RAG1: variants seen among roughly 807,000 people sequenced by gnomAD.
RAG1 encodes the protein recombination activating 1, also known as V(D)J recombination-activating protein 1.
In RAG1, 35 loss-of-function variants were observed where a neutral mutation model predicts 62.7. The ratio of observed to expected loss-of-function variants is 0.56; its 90% CI spans 0.43 to 0.74. The LOEUF (loss-of-function observed/expected upper bound fraction) is 0.74. Among genes scored for constraint, RAG1 ranks in the 30% least tolerant of loss-of-function variants. The pLI, the probability that RAG1 is intolerant of heterozygous loss-of-function variation, is 0.00. For synonymous variants in RAG1, 461 were observed against 470.3 expected (o/e 0.98, Z 0.26); for missense variants, 1,169 against 1,278.6 (o/e 0.91, Z 1.31).
intron 2 of RAG1, among the ~76,000 whole-genome samples, chr11:36,524,982 G>A (rs1210639056): frequency 1.3e-5 from 2 of 151,888 alleles, no homozygotes; most frequent in Non-Finnish European, 2.9e-5. Context: ...ATGAGACTTA[G>A]GTCAAGTCTT....
At chr11:36,541,629 C>T (rs1292229269) in intron 3 of RAG1, among the ~76,000 whole-genome samples, 3 of 152,092 alleles carry the variant, frequency 2.0e-5, no homozygotes, top group African/African-American at 7.2e-5. Context: ...AAATACTAGG[C>T]CCTTGCTTGG....
At chr11:36,514,513 T>C (rs1301168996) in intron 1 of RAG1, among the ~76,000 whole-genome samples, 1 of 152,246 alleles carries the variant, frequency 6.6e-6, no homozygotes, top group African/African-American at 2.4e-5. Flanking sequence ...ACTTTATTTC[T>C]ATTATCATTA....
At chr11:36,567,489 A>C (rs1313593109), upstream of RAG1, 2 of 152,182 alleles carry the variant, frequency 1.3e-5, no homozygotes, top group Admixed American at 1.3e-4. Flanking sequence ...AGGAGCATCA[A>C]CCTTCCTCAG....
upstream of RAG1, among the ~76,000 whole-genome samples, chr11:36,563,224 G>T (rs1850615762): frequency 6.6e-6 from 1 of 152,210 alleles, no homozygotes; most frequent in Non-Finnish European, 1.5e-5. Flanking sequence ...ACTTCTGGAA[G>T]AGATTAGCAT....
At position 36,573,550 on chromosome 11, in the gene RAG1, A is replaced by C. The variant is rs1850781271; in HGVS notation, c.246A>C (p.Lys82Asn). 1 of 1,614,186 alleles carries C rather than the reference A, an allele frequency of 6.2e-7. No individual in the cohort carries two copies. Among genetic ancestry groups the C allele is most frequent in the African/African-American group, 1.3e-5 (1 of 75,034 alleles). ...QKPVPTQPLL[K>N]AHPKFSKKFH... Reference sequence around the variant, plus strand: ...CAGTCCCAACTCAGCCATTGTTAAAAGCCCACCCTAAGTTTTCAAAGAAAT... The same window carrying C: ...CAGTCCCAACTCAGCCATTGTTAAACGCCCACCCTAAGTTTTCAAAGAAAT... The change falls in exon 2 of 2, where the codon AAA becomes AAC. Residue 82 changes from lysine (K) to asparagine (N), a missense_variant. Lys to Asn is a moderately conservative substitution (Grantham distance 94, BLOSUM62 0). Transcript: ENST00000299440.
chr11:36,572,298 G>A (rs1048936007), intron 1 of RAG1, among the ~76,000 whole-genome samples: 9 of 152,218 alleles, frequency 5.9e-5, no homozygotes, highest in African/African-American at 2.2e-4. Flanking sequence ...GGTCTAGAGA[G>A]TACACTTCAC....
intron 1 of RAG1, among the ~76,000 whole-genome samples, chr11:36,571,761 C>T (rs982102372): frequency 8.5e-5 from 13 of 152,100 alleles, no homozygotes; most frequent in Admixed American, 7.9e-4. Context: ...ATTTCAAGTG[C>T]CTGCCACCAT....
upstream of RAG1, chr11:36,510,519 C>T (rs1233944207): frequency 6.6e-6 from 1 of 152,302 alleles, no homozygotes; most frequent in Non-Finnish European, 1.5e-5. Context: ...GAAGATCCCT[C>T]CCGGAATAAC....
chr11:36,530,036 G>T (rs1191963288), intron 2 of RAG1, among the ~76,000 whole-genome samples: 1 of 151,844 alleles, frequency 6.6e-6, no homozygotes, highest in African/African-American at 2.4e-5. Context: ...TTCATTTTGG[G>T]TTAACGGTGG....
intron 2 of RAG1, among the ~76,000 whole-genome samples, chr11:36,520,599 T>G (rs1860064273): frequency 6.6e-6 from 1 of 152,140 alleles, no homozygotes; most frequent in Non-Finnish European, 1.5e-5. Flanking sequence ...TCAAATGTAG[T>G]GATAACATAT....
Position 36,575,096 on chromosome 11 carries a change from G to A in RAG1, c.1792G>A (p.Val598Met), listed in dbSNP as rs1024345971. Residue 598 changes from valine (V) to methionine (M), a missense_variant, in exon 2 of 2, where the codon GTG (valine) becomes ATG (methionine). This residue lies in a region of RAG1 where 800 missense variants were observed against 943.3 expected (regional missense o/e 0.85). Coordinates refer to ENST00000299440, the MANE Select transcript of RAG1 (RefSeq NM_000448.3). The surrounding 1 kb of genome is among the most constrained non-coding windows in gnomAD (Gnocchi z 4.1). ...CCTGAATGGCCCCTTCACTGTGGTG[G>A]TGAAGGAGTCTTGTGATGGAATGGG... ...DYLNGPFTVV[V>M]KESCDGMGDV... 1.9e-6 allele frequency: 3 copies of A among 1,614,184 alleles called. No homozygotes were observed. Among genetic ancestry groups the A allele is most frequent in the Middle Eastern group, 3.3e-4 (2 of 6,062 alleles).
intron 2 of RAG1, among the ~76,000 whole-genome samples, chr11:36,526,824 A>C (rs1046714999): frequency 2.3e-4 from 35 of 152,140 alleles, no homozygotes; most frequent in African/African-American, 8.2e-4. Context: ...GCATTTCTCT[A>C]ATGACCAGTG....
Position 36,573,959 on chromosome 11 carries a change from C to A in RAG1, c.655C>A (p.Arg219=). The change falls in exon 2 of 2, where the codon CGG becomes AGG. Residue 219 remains arginine, a synonymous_variant. Coordinates refer to ENST00000299440, the MANE Select transcript of RAG1 (RefSeq NM_000448.3). The part of the protein sequence containing the change: ...PSCDICNTAR[R]GLKRKSLQPN... ...CTGTGACATCTGCAACACTGCCCGT[C>A]GGGGACTCAAGAGGAAGAGTCTTCA... 6.2e-7 allele frequency: 1 copy of A among 1,614,092 alleles called. No individual in the cohort carries two copies. The highest frequency in any genetic ancestry group is 8.5e-7 in the Non-Finnish European group (1 of 1,180,034).
At chr11:36,566,276 C>T (rs1369308589), upstream of RAG1, among the ~76,000 whole-genome samples, 2 of 152,248 alleles carry the variant, frequency 1.3e-5, no homozygotes, top group East Asian at 1.9e-4. Flanking sequence ...CAACTCTGTT[C>T]ACCGTAGACT....
At chr11:36,536,624 T>C (rs1309616411), downstream of RAG1, among the ~76,000 whole-genome samples, 6 of 18,812 alleles carry the variant, frequency 3.2e-4, no homozygotes, top group Admixed American at 5.7e-3. Flanking sequence ...CAAAGTTTTT[T>C]AAAAGACAAA....
At chr11:36,559,332 A>G (rs1241645939) in intron 3 of RAG1, among the ~76,000 whole-genome samples, 2 of 152,146 alleles carry the variant, frequency 1.3e-5, no homozygotes, top group Non-Finnish European at 2.9e-5. Flanking sequence ...GTTTGACTAT[A>G]AAGTGCTTCA....
chr11:36,526,610 C>T (rs1047544553), intron 2 of RAG1, among the ~76,000 whole-genome samples: 1 of 152,094 alleles, frequency 6.6e-6, no homozygotes, highest in Non-Finnish European at 1.5e-5. Context: ...AATGGGATTG[C>T]TAGTTCAAAT....
intron 3 of RAG1, among the ~76,000 whole-genome samples, chr11:36,558,996 TA>T (rs1564983964): frequency 2.0e-5 from 3 of 152,218 alleles, no homozygotes; most frequent in Non-Finnish European, 4.4e-5. Context: ...CTTTCAGATA[TA>T]GGGCTCCCTT....
At chr11:36,510,895 A>G (rs939088796) in exon 1 of RAG1, 1 of 152,240 alleles carries the variant, frequency 6.6e-6, no homozygotes, top group Admixed American at 6.5e-5. Context: ...GAGAAGCACA[A>G]AAGAGTTTCA....
Sources: gnomAD v4.1 joint callset for allele counts (sites outside exome capture counted in the v4.1 genomes callset) on GRCh38, gnomAD v4.1.1 for gene constraint, gnomAD v4.1.1 regional missense constraint, Gnocchi (gnomAD v3.1) non-coding constraint, MANE v1.5 for transcripts, NCBI Gene and HGNC (gene_info 2026-07-23, HGNC 2026-07-21) for gene names.